Variants in RPS6KA2 observed in about 807,000 individuals in gnomAD.
The protein encoded by RPS6KA2 is ribosomal protein S6 kinase A2.
Under a neutral mutation model 91.8 loss-of-function variants are expected in RPS6KA2, and 42 were observed. The observed-to-expected ratio is 0.46, with a 90% CI of 0.36 to 0.59. The LOEUF is 0.59. Ranked by LOEUF, RPS6KA2 falls within the 20% of genes least tolerant of loss-of-function variation. The pLI is 0.00. For synonymous variants in RPS6KA2, 414 were observed against 393.6 expected (o/e 1.05, Z -0.61); for missense variants, 798 against 978.5 (o/e 0.82, Z 2.46).
rs1295520458 is a variant in RPS6KA2, at chr6:166,448,609, G to A, written c.1332+115C>T. Reference sequence around the variant, plus strand: ...CCATGTGCTGTACATGCTCCCACACGCTGCACTCACACAGGGCCCTGCTAT... The same window carrying A: ...CCATGTGCTGTACATGCTCCCACACACTGCACTCACACAGGGCCCTGCTAT... On this transcript the variant is annotated intron_variant, in intron 14 of 20. Transcript: ENST00000265678. This position sits in a 1 kb window ranked among gnomAD's most constrained non-coding sequence, Gnocchi z 4.7. The A allele has an allele frequency of 1.5e-6, 2 of 1,316,828 alleles. No homozygotes were observed. The highest frequency in any genetic ancestry group is 2.6e-5 in the East Asian group (1 of 38,956). The allele number at this position is 1,316,828 out of a possible 1,614,324, so 81.6% of individuals were successfully genotyped here.
intron 2 of RPS6KA2, among the ~76,000 whole-genome samples, chr6:166,705,511 G>A (rs1230307655): frequency 2.0e-5 from 3 of 152,182 alleles, no homozygotes. Context: ...ATCACACTCA[G>A]TGGAGAAACT....
chr6:166,595,807 T>A lies in RPS6KA2; in HGVS notation c.99+31114A>T, dbSNP rs776591120. Among the ~76,000 whole-genome samples the A allele has an allele frequency of 9.4e-4, 143 of 152,314 alleles. No homozygotes were observed. In the Middle Eastern group the frequency reaches 0.01, roughly 11 times the overall value. ...GAATAAGGATGGGTACACATAAAAC[T>A]ACTTGGAGGAAAACTCCCTTCAATG... On this transcript the variant is annotated intron_variant, in intron 1 of 20. Coordinates refer to ENST00000265678, the MANE Select transcript of RPS6KA2 (RefSeq NM_021135.6).
At chr6:166,499,061 C>G (rs372029378) in intron 7 of RPS6KA2, among the ~76,000 whole-genome samples, 6 of 152,134 alleles carry the variant, frequency 3.9e-5, no homozygotes, top group African/African-American at 1.2e-4. Context: ...CTCTGGCTGC[C>G]GGGGAGCCAA....
chr6:166,642,809 C>T (rs1323319508), intron 2 of RPS6KA2, among the ~76,000 whole-genome samples: 1 of 152,268 alleles, frequency 6.6e-6, no homozygotes, highest in Non-Finnish European at 1.5e-5. Flanking sequence ...CTGAGCGTCA[C>T]TGCACCTTCT....
chr6:166,644,606 G>A (rs180707729), intron 2 of RPS6KA2, among the ~76,000 whole-genome samples: 96 of 152,302 alleles, frequency 6.3e-4, no homozygotes, highest in African/African-American at 2.2e-3. Flanking sequence ...TGGCTTAGAC[G>A]TATTTTAAAT....
rs1034570133 is a variant in RPS6KA2 at position 166,662,482 on chromosome 6, T to G, written c.124-123698A>C. On this transcript the variant is annotated intron_variant, in intron 2 of 21. Coordinates refer to the RPS6KA2 transcript ENST00000503859. The surrounding 1 kb of genome is among the most constrained non-coding windows in gnomAD (Gnocchi z 4.3). ...TCTGCTTGCAAATCCAATGCCTATG[T>G]TACAGGAGTGCAGTTTTATGTTTGG... 3.6e-4 allele frequency among the ~76,000 whole-genome samples: 55 copies of G among 152,184 alleles called. 1 individual carries two copies. Among genetic ancestry groups the G allele is most frequent in the African/African-American group, 1.2e-3 (48 of 41,444 alleles).
chr6:166,597,546 A>G (rs770551337), intron 1 of RPS6KA2, among the ~76,000 whole-genome samples: 208 of 152,132 alleles, frequency 1.4e-3, no homozygotes, highest in Non-Finnish European at 2.1e-3. Context: ...AGGTAGGAGG[A>G]TTGGAATAAA....
At chr6:166,739,614 G>T (rs956742951) in intron 2 of RPS6KA2, among the ~76,000 whole-genome samples, 2 of 152,204 alleles carry the variant, frequency 1.3e-5, no homozygotes, top group Admixed American at 1.3e-4. Flanking sequence ...AGAGGGTGTC[G>T]TGTGATTCAG....
intron 3 of RPS6KA2, among the ~76,000 whole-genome samples, chr6:166,512,780 C>T (rs1246336053): frequency 6.6e-6 from 1 of 152,254 alleles, no homozygotes; most frequent in Non-Finnish European, 1.5e-5. Flanking sequence ...GAAACCTGTG[C>T]AGTGATGTGT....
chr6:166,705,789 C>T (rs1033071700), intron 2 of RPS6KA2, among the ~76,000 whole-genome samples: 11 of 152,166 alleles, frequency 7.2e-5, no homozygotes, highest in Admixed American at 2.6e-4. Context: ...TTAAAAATTA[C>T]TAGCAATTAT....
intron 2 of RPS6KA2, among the ~76,000 whole-genome samples, chr6:166,651,955 A>G (rs538881549): frequency 1.3e-5 from 2 of 152,402 alleles, no homozygotes; most frequent in East Asian, 3.9e-4. Flanking sequence ...ATGCAGGAGC[A>G]TCCGCCTTCT....
intron 1 of RPS6KA2, among the ~76,000 whole-genome samples, chr6:166,558,861 G>A (rs970845206): frequency 6.6e-6 from 1 of 152,174 alleles, no homozygotes; most frequent in Admixed American, 6.5e-5. Flanking sequence ...TTGCTATGAA[G>A]GTAAATTCAG....
intron 2 of RPS6KA2, among the ~76,000 whole-genome samples, chr6:166,729,550 C>T (rs1790449604): frequency 6.6e-6 from 1 of 152,184 alleles, no homozygotes; most frequent in Non-Finnish European, 1.5e-5. Context: ...CCATGTTGCC[C>T]AAGCTGGTCT....
At position 166,815,397 on chromosome 6, in the gene RPS6KA2, A is replaced by C. The variant is rs544006695; in HGVS notation, c.123+42803T>G. Among the ~76,000 whole-genome samples the C allele has an allele frequency of 2.0e-5, 3 of 152,196 alleles. No homozygotes were observed. In the South Asian group the frequency reaches 6.2e-4, roughly 32 times the overall value. On this transcript the variant is annotated intron_variant, in intron 2 of 21. Coordinates refer to the RPS6KA2 transcript ENST00000503859. The stretch of plus-strand genomic sequence containing the variant: ...GATGTGAGGTGAGGAAAGAATGAAT[A>C]TTTTTTTCATCAAACTGCTGAGCTT...
intron 2 of RPS6KA2, among the ~76,000 whole-genome samples, chr6:166,693,871 G>T (rs1041464765): frequency 2.0e-5 from 3 of 152,196 alleles, no homozygotes; most frequent in African/African-American, 7.2e-5. Context: ...CTTAGGCACA[G>T]GTTACTCCTG....
intron 2 of RPS6KA2, among the ~76,000 whole-genome samples, chr6:166,780,802 T>C (rs1201263591): frequency 6.6e-5 from 10 of 152,196 alleles, no homozygotes. Flanking sequence ...CAAAAAAGTG[T>C]GTCTGCAACA....
chr6:166,837,017 C>T (rs960434764), intron 2 of RPS6KA2, among the ~76,000 whole-genome samples: 1 of 152,186 alleles, frequency 6.6e-6, no homozygotes, highest in African/African-American at 2.4e-5. Flanking sequence ...AGCGGGATTT[C>T]CAGTACCCGC....
At chr6:166,663,702 CGGAAGGGCCTTAGAGGAAGGAAGTTG>C (rs1788232053) in intron 2 of RPS6KA2, among the ~76,000 whole-genome samples, 1 of 152,136 alleles carries the variant, frequency 6.6e-6, no homozygotes, top group Non-Finnish European at 1.5e-5. Flanking sequence ...CACCCTATCC[CGGAAGGGCCTTAGAGGAAGGAAGTTG>C]GGGAGGAGGA....
intron 2 of RPS6KA2, chr6:166,701,764 G>T: frequency 8.8e-7 from 1 of 1,139,814 alleles, no homozygotes; most frequent in Non-Finnish European, 1.3e-6. Flanking sequence ...TCATAGAAGT[G>T]ATATCATTTT....
Sources: gnomAD v4.1 joint callset for allele counts (sites outside exome capture counted in the v4.1 genomes callset) on GRCh38, gnomAD v4.1.1 for gene constraint, Gnocchi (gnomAD v3.1) non-coding constraint, MANE v1.5 for transcripts, NCBI Gene and HGNC (gene_info 2026-07-23, HGNC 2026-07-21) for gene names.